The following AMPH variants were observed in gnomAD, a reference collection of about 807,000 sequenced individuals.
AMPH encodes amphiphysin.
In AMPH, 49 loss-of-function variants were observed where a neutral mutation model predicts 99.1. The ratio of observed to expected loss-of-function variants is 0.49; its 90% CI spans 0.39 to 0.63. The LOEUF (loss-of-function observed/expected upper bound fraction) is 0.63, where lower values mean the gene tolerates loss of function less well. Among genes scored for constraint, AMPH ranks in the 20% least tolerant of loss-of-function variants. The probability of loss-of-function intolerance (pLI) is 0.00; values close to 1 mark genes in which losing one functional copy is unlikely to be tolerated. For missense variants in AMPH, 759 were observed against 863.4 expected, an observed-to-expected ratio of 0.88 and a Z score of 1.52; for synonymous variants, 314 against 317.3, an observed-to-expected ratio of 0.99 and a Z score of 0.11.
In AMPH at chr7:38,515,455, C is replaced by T. The variant is rs903403429; in HGVS notation, c.151-11751G>A. Among the ~76,000 whole-genome samples, 5 of 152,266 alleles carry T rather than the reference C, an allele frequency of 3.3e-5. No homozygotes were observed. The South Asian group carries it at 6.2e-4, about 19-fold the overall frequency. On this transcript the variant is annotated intron_variant, in intron 2 of 20. Coordinates refer to ENST00000356264, the MANE Select transcript of AMPH (RefSeq NM_001635.4). ...CCTGCTCCAGACAAGTAAGATATGC[C>T]TCCTTCCTTTTCACCCTCCACCATG...
At chr7:38,513,300 A>G (rs2129031121) in intron 2 of AMPH, among the ~76,000 whole-genome samples, 1 of 152,320 alleles carries the variant, frequency 6.6e-6, no homozygotes, top group East Asian at 1.9e-4. Flanking sequence ...TCTCATAGCC[A>G]ATCACACAAC....
intron 1 of AMPH, among the ~76,000 whole-genome samples, chr7:38,573,987 A>G (rs1408353204): frequency 1.3e-5 from 2 of 152,220 alleles, no homozygotes; most frequent in South Asian, 4.1e-4. Flanking sequence ...AATAAGTGGC[A>G]CAGCTTGGAC....
chr7:38,608,942 G>T (rs543200383), intron 1 of AMPH, among the ~76,000 whole-genome samples: 6 of 152,172 alleles, frequency 3.9e-5, no homozygotes, highest in Non-Finnish European at 8.8e-5. Flanking sequence ...GTGTCTTTTT[G>T]TTGCTATATG....
At chr7:38,475,676 G>A (rs1458675638) in intron 6 of AMPH, among the ~76,000 whole-genome samples, 1 of 152,170 alleles carries the variant, frequency 6.6e-6, no homozygotes, top group African/African-American at 2.4e-5. Context: ...TGTGTTAGCT[G>A]CCTGCCATGT....
At chr7:38,606,670 T>C (rs1219967717) in intron 1 of AMPH, among the ~76,000 whole-genome samples, 1 of 149,888 alleles carries the variant, frequency 6.7e-6, no homozygotes, top group Non-Finnish European at 1.5e-5. Context: ...ATTCCTAGGC[T>C]GAAGCCATCC....
At chr7:38,613,590 C>T (rs1401591398) in intron 1 of AMPH, among the ~76,000 whole-genome samples, 1 of 152,206 alleles carries the variant, frequency 6.6e-6, no homozygotes, top group African/African-American at 2.4e-5. Flanking sequence ...GTGCCTGAAT[C>T]ATCTCTGAAC....
intron 1 of AMPH, among the ~76,000 whole-genome samples, chr7:38,614,730 G>A (rs184603922): frequency 2.1e-4 from 32 of 152,160 alleles, no homozygotes; most frequent in African/African-American, 6.7e-4. Flanking sequence ...ACCATCTTTC[G>A]AGGCACTAAG....
At chr7:38,419,463 C>G (rs1026487389) in intron 16 of AMPH, among the ~76,000 whole-genome samples, 1 of 152,088 alleles carries the variant, frequency 6.6e-6, no homozygotes, top group African/African-American at 2.4e-5. Flanking sequence ...CTTTTTTCAG[C>G]TTTAAGAGGT....
rs527920904 is a variant in AMPH, at chr7:38,550,153, T to C, written c.70-15142A>G. On this transcript the variant is annotated intron_variant, in intron 1 of 20. Coordinates refer to ENST00000356264, the MANE Select transcript of AMPH (RefSeq NM_001635.4). Reference sequence around the variant, plus strand: ...ATGAAGCAATAAGTATGCTGATTCTTTATTGGATGAAATCCTTTCATTCCC... The same window carrying C: ...ATGAAGCAATAAGTATGCTGATTCTCTATTGGATGAAATCCTTTCATTCCC... 7.9e-5 allele frequency among the ~76,000 whole-genome samples: 12 copies of C among 152,358 alleles called. No homozygotes were observed. In the South Asian group the frequency reaches 2.1e-3, roughly 26 times the overall value.
chr7:38,561,924 G>GAAA (rs112793515), intron 1 of AMPH, among the ~76,000 whole-genome samples: 1 of 138,922 alleles, frequency 7.2e-6, no homozygotes, highest in African/African-American at 2.7e-5. Flanking sequence ...GGACTTGTAA[G>GAAA]AAAAAAAAAA....
chr7:38,479,704 T>C (rs908020365), intron 5 of AMPH, among the ~76,000 whole-genome samples: 1 of 152,070 alleles, frequency 6.6e-6, no homozygotes. Flanking sequence ...AAACCTAATA[T>C]GTTAAAGATG....
intron 7 of AMPH, among the ~76,000 whole-genome samples, chr7:38,472,571 A>C (rs1787924192): frequency 6.6e-6 from 1 of 152,206 alleles, no homozygotes; most frequent in Non-Finnish European, 1.5e-5. Context: ...CAGCTAGCAA[A>C]TAGAAAGTAT....
intron 1 of AMPH, among the ~76,000 whole-genome samples, chr7:38,587,914 CTGTG>C (rs200023803): frequency 0.055 from 6,937 of 126,046 alleles, 182 homozygotes; most frequent in Middle Eastern, 0.091. Context: ...TTATTAATTA[CTGTG>C]TGTGTGTGTG....
At chr7:38,538,069 A>G (rs1430742029) in intron 1 of AMPH, among the ~76,000 whole-genome samples, 2 of 152,206 alleles carry the variant, frequency 1.3e-5, no homozygotes, top group Non-Finnish European at 2.9e-5. Context: ...GTTTTCACAA[A>G]AAGTTTTCAT....
At chr7:38,458,514 G>A (rs183981749) in intron 11 of AMPH, among the ~76,000 whole-genome samples, 12 of 152,200 alleles carry the variant, frequency 7.9e-5, no homozygotes, top group African/African-American at 2.4e-4. Context: ...GACACACCAC[G>A]ACCAAGTGGG....
intron 17 of AMPH, among the ~76,000 whole-genome samples, chr7:38,407,070 ATATATATGTGTGTGTG>A (rs1447746902): frequency 1.3e-4 from 4 of 30,272 alleles, no homozygotes; most frequent in African/African-American, 2.1e-4. Flanking sequence ...ATATATATAT[ATATATATGTGTGTGTG>A]TGTGTGTGTG....
intron 1 of AMPH, among the ~76,000 whole-genome samples, chr7:38,566,403 T>C (rs1791745174): frequency 6.6e-6 from 1 of 152,018 alleles, no homozygotes; most frequent in Non-Finnish European, 1.5e-5. Flanking sequence ...TCCCAAGTCA[T>C]TAGTTATTAA....
At chr7:38,481,135 C>T (rs1451036175) in intron 5 of AMPH, among the ~76,000 whole-genome samples, 2 of 152,040 alleles carry the variant, frequency 1.3e-5, no homozygotes, top group African/African-American at 4.8e-5. Context: ...TTGATGCATA[C>T]ATTTTGGGGT....
chr7:38,440,527 T>C (rs1188647887), intron 11 of AMPH, among the ~76,000 whole-genome samples: 1 of 152,178 alleles, frequency 6.6e-6, no homozygotes, highest in East Asian at 1.9e-4. Context: ...TTTTATTATT[T>C]AAATCTTTTA....
Sources: gnomAD v4.1 joint callset for allele counts (sites outside exome capture counted in the v4.1 genomes callset) on GRCh38, gnomAD v4.1.1 for gene constraint, MANE v1.5 for transcripts, NCBI Gene and HGNC (gene_info 2026-07-23, HGNC 2026-07-21) for gene names.